ENTREP2: variants seen among roughly 807,000 people sequenced by gnomAD.
ENTREP2 encodes the protein protein ENTREP2.
At chr15:29,338,390 C>A in the ENTREP2 span, among the ~76,000 whole-genome samples, 1 of 145,834 alleles carries the variant, frequency 6.9e-6, no homozygotes, top group Non-Finnish European at 1.5e-5. Flanking sequence ...CGCGCCACTG[C>A]ACTCCAGCCT....
chr15:29,409,545 G>A, the ENTREP2 span, among the ~76,000 whole-genome samples: 2 of 151,600 alleles, frequency 1.3e-5, no homozygotes, highest in African/African-American at 2.4e-5. Context: ...GGCTGGTCTC[G>A]AACTCCTGAC....
At chr15:29,253,732 C>T in the ENTREP2 span, among the ~76,000 whole-genome samples, 42 of 152,166 alleles carry the variant, frequency 2.8e-4, no homozygotes, top group Non-Finnish European at 4.3e-4. Flanking sequence ...TGAGCCACCA[C>T]GCCCGGCCAA....
At chr15:29,139,182 C>T in the ENTREP2 span, among the ~76,000 whole-genome samples, 1 of 152,138 alleles carries the variant, frequency 6.6e-6, no homozygotes, top group African/African-American at 2.4e-5. Flanking sequence ...AATAAGCATG[C>T]TCTAGGTTGA....
chr15:29,254,447 G>C, the ENTREP2 span, among the ~76,000 whole-genome samples: 10 of 152,176 alleles, frequency 6.6e-5, no homozygotes, highest in Non-Finnish European at 8.8e-5. Context: ...CAGCATTCCT[G>C]ATTGCTTATA....
At chr15:29,480,533 G>A in the ENTREP2 span, among the ~76,000 whole-genome samples, 3 of 151,892 alleles carry the variant, frequency 2.0e-5, no homozygotes, top group East Asian at 1.9e-4. Flanking sequence ...ACAGAAGGAC[G>A]TGATGCAAAG....
the ENTREP2 span, among the ~76,000 whole-genome samples, chr15:29,369,208 G>C: frequency 5.3e-5 from 8 of 151,490 alleles, no homozygotes; most frequent in Admixed American, 5.3e-4. Flanking sequence ...TTTGATGAAA[G>C]ACAACAATCT....
At chr15:29,610,303 T>A in the ENTREP2 span, 7 of 150,460 alleles carry the variant, frequency 4.7e-5, 1 homozygote, top group African/African-American at 1.7e-4. Flanking sequence ...AATACTTAGA[T>A]GTCAGCTGTC....
chr15:29,466,324 C>T, the ENTREP2 span, among the ~76,000 whole-genome samples: 3 of 152,304 alleles, frequency 2.0e-5, no homozygotes, highest in South Asian at 6.2e-4. Context: ...AGATGGTCAG[C>T]AGAGAAGCAG....
the ENTREP2 span, among the ~76,000 whole-genome samples, chr15:29,652,539 C>T: frequency 1.3e-5 from 2 of 152,340 alleles, no homozygotes; most frequent in Admixed American, 1.3e-4. Flanking sequence ...AGCTGAGGCC[C>T]TTTAGGGAGC....
chr15:29,477,824 G>A, the ENTREP2 span, among the ~76,000 whole-genome samples: 23 of 151,814 alleles, frequency 1.5e-4, no homozygotes, highest in African/African-American at 5.3e-4. Flanking sequence ...CGAGGTGCAC[G>A]TGGGTAAGAA....
At chr15:29,457,139 C>T in the ENTREP2 span, among the ~76,000 whole-genome samples, 7 of 152,134 alleles carry the variant, frequency 4.6e-5, no homozygotes, top group African/African-American at 1.2e-4. Context: ...AAAAGGAGCA[C>T]GACTTCCCAA....
the ENTREP2 span, among the ~76,000 whole-genome samples, chr15:29,575,002 A>G: frequency 1.3e-5 from 2 of 152,182 alleles, no homozygotes. Flanking sequence ...CCTAGATGCA[A>G]TAGGAGAAGG....
At chr15:29,648,421 G>C in the ENTREP2 span, among the ~76,000 whole-genome samples, 6 of 152,216 alleles carry the variant, frequency 3.9e-5, no homozygotes, top group Admixed American at 1.3e-4. Flanking sequence ...GCTGGCTGCT[G>C]TTGTTGGTCT....
At chr15:29,224,010 T>A in the ENTREP2 span, among the ~76,000 whole-genome samples, 2 of 152,196 alleles carry the variant, frequency 1.3e-5, no homozygotes, top group South Asian at 2.1e-4. Flanking sequence ...TGATGGGTTC[T>A]TGGTCGCACT....
the ENTREP2 span, among the ~76,000 whole-genome samples, chr15:29,188,525 C>T: frequency 6.6e-6 from 1 of 152,094 alleles, no homozygotes; most frequent in African/African-American, 2.4e-5. Context: ...TTTTCTGTTC[C>T]TGTGTTAGTT....
the ENTREP2 span, among the ~76,000 whole-genome samples, chr15:29,670,849 G>C: frequency 6.6e-6 from 1 of 152,148 alleles, no homozygotes; most frequent in Non-Finnish European, 1.5e-5. Flanking sequence ...CTCTGTTCCT[G>C]GCACAGAGGG....
At chr15:29,635,568 C>T in the ENTREP2 span, among the ~76,000 whole-genome samples, 2 of 152,138 alleles carry the variant, frequency 1.3e-5, no homozygotes, top group Non-Finnish European at 2.9e-5. Context: ...ACCCATTCTC[C>T]TGCCAAGGAA....
the ENTREP2 span, among the ~76,000 whole-genome samples, chr15:29,600,005 T>C: frequency 1.3e-5 from 2 of 152,180 alleles, no homozygotes; most frequent in African/African-American, 2.4e-5. Context: ...TTAATATTAT[T>C]GCTGGAGATA....
chr15:29,264,750 G>A, the ENTREP2 span, among the ~76,000 whole-genome samples: 8 of 152,160 alleles, frequency 5.3e-5, no homozygotes, highest in Non-Finnish European at 1.0e-4. Context: ...CACTGGGCTT[G>A]CAACTTTTCT....
Sources: gnomAD v4.1 joint callset for allele counts (sites outside exome capture counted in the v4.1 genomes callset) on GRCh38, gnomAD v4.1.1 for gene constraint, MANE v1.5 for transcripts, NCBI Gene and HGNC (gene_info 2026-07-23, HGNC 2026-07-21) for gene names.